CTNND2: variants seen among roughly 807,000 people sequenced by gnomAD.
CTNND2 encodes the protein catenin delta-2.
In CTNND2, 22 loss-of-function variants were observed where a neutral mutation model predicts 144.4. The ratio of observed to expected loss-of-function variants is 0.15; its 90% CI spans 0.11 to 0.22. CTNND2 has a LOEUF of 0.22. Ranked by LOEUF, CTNND2 falls within the 10% of genes least tolerant of loss-of-function variation. The probability of loss-of-function intolerance (pLI) is 1.00; values close to 1 mark genes in which losing one functional copy is unlikely to be tolerated. For synonymous variants in CTNND2, 751 were observed against 695.6 expected (o/e 1.08, Z -1.25); for missense variants, 1,353 against 1,618.8 (o/e 0.84, Z 2.82).
At chr5:11,688,949 C>A (rs547146403) in intron 2 of CTNND2, among the ~76,000 whole-genome samples, 1 of 152,188 alleles carries the variant, frequency 6.6e-6, no homozygotes, top group South Asian at 2.1e-4. Flanking sequence ...ATGAATGACA[C>A]AGCGAGGGCC....
At chr5:11,682,586 C>T (rs112436339) in intron 2 of CTNND2, among the ~76,000 whole-genome samples, 3,360 of 152,228 alleles carry the variant, frequency 0.022, 45 homozygotes, top group East Asian at 0.058. Context: ...TTTGCTGTAT[C>T]TATAAAGATG....
intron 9 of CTNND2, among the ~76,000 whole-genome samples, chr5:11,331,863 G>A (rs1442193805): frequency 6.6e-6 from 1 of 152,166 alleles, no homozygotes; most frequent in African/African-American, 2.4e-5. Context: ...GCACACTGGG[G>A]TGGCTACAGT....
At chr5:11,470,748 T>C (rs1767108193) in intron 3 of CTNND2, among the ~76,000 whole-genome samples, 1 of 151,810 alleles carries the variant, frequency 6.6e-6, no homozygotes, top group South Asian at 2.1e-4. Flanking sequence ...TGATGAGTAC[T>C]GGTCAAATGT....
chr5:11,523,006 C>G (rs140474278), intron 3 of CTNND2, among the ~76,000 whole-genome samples: 1 of 152,176 alleles, frequency 6.6e-6, no homozygotes, highest in Admixed American at 6.5e-5. Context: ...TACAGTGGAG[C>G]TATTTGGCAT....
At chr5:11,397,671 T>C (rs1308525046) in intron 5 of CTNND2, among the ~76,000 whole-genome samples, 1 of 152,216 alleles carries the variant, frequency 6.6e-6, no homozygotes, top group South Asian at 2.1e-4. Context: ...AATAGTGATA[T>C]AATACCTCAG....
chr5:10,996,404 A>G (rs946591760), intron 18 of CTNND2, among the ~76,000 whole-genome samples: 1 of 133,218 alleles, frequency 7.5e-6, no homozygotes, highest in Non-Finnish European at 1.5e-5. Context: ...CAAAAGAGCA[A>G]TGAGGAGGGG....
rs142325560 is a variant in CTNND2, at chr5:11,619,505, T to G, written c.175-54449A>C. ...ATGCAGTCTGAGAGTACAGTTGATA[T>G]GTAGTCCTAGTGGGTTACTCATTAA... On this transcript the variant is annotated intron_variant, in intron 2 of 21. Coordinates refer to ENST00000304623, the MANE Select transcript of CTNND2 (RefSeq NM_001332.4). Among the ~76,000 whole-genome samples, 644 of 152,308 alleles carry G rather than the reference T, an allele frequency of 4.2e-3. 14 individuals carry two copies. The highest frequency in any genetic ancestry group is 0.015 in the African/African-American group (617 of 41,574).
chr5:10,984,934 C>T (rs1405633567), intron 20 of CTNND2, among the ~76,000 whole-genome samples: 4 of 151,806 alleles, frequency 2.6e-5, no homozygotes, highest in African/African-American at 7.3e-5. Flanking sequence ...ATTAGCCGGG[C>T]ATGGTGGCAG....
intron 15 of CTNND2, among the ~76,000 whole-genome samples, chr5:11,094,316 G>T (rs6887954): frequency 6.6e-6 from 1 of 151,982 alleles, no homozygotes; most frequent in African/African-American, 2.4e-5. Flanking sequence ...TTTATGACTC[G>T]CAGAGTAGAT....
intron 3 of CTNND2, among the ~76,000 whole-genome samples, chr5:11,432,967 G>A (rs553746265): frequency 1.4e-4 from 22 of 152,272 alleles, no homozygotes; most frequent in South Asian, 6.2e-4. Context: ...TTTACTAGCC[G>A]GGTGCAGTGG....
At chr5:11,134,845 T>G (rs943485339) in intron 12 of CTNND2, among the ~76,000 whole-genome samples, 2 of 152,226 alleles carry the variant, frequency 1.3e-5, no homozygotes, top group Non-Finnish European at 2.9e-5. Flanking sequence ...CAATTTCCTT[T>G]TACTGCTTCA....
chr5:11,592,540 C>T (rs1311359699), intron 2 of CTNND2, among the ~76,000 whole-genome samples: 1 of 151,654 alleles, frequency 6.6e-6, no homozygotes, highest in African/African-American at 2.4e-5. Flanking sequence ...GTGAGATAAT[C>T]ATAACAGTGG....
At chr5:11,467,439 T>C (rs1766786950) in intron 3 of CTNND2, among the ~76,000 whole-genome samples, 1 of 152,234 alleles carries the variant, frequency 6.6e-6, no homozygotes, top group Admixed American at 6.5e-5. Flanking sequence ...TTTTTGAGGG[T>C]CCTGGAGATG....
intron 1 of CTNND2, among the ~76,000 whole-genome samples, chr5:11,817,981 GTTTTTTTTTT>G (rs35360011): frequency 3.1e-5 from 1 of 31,870 alleles, no homozygotes; most frequent in South Asian, 1.8e-3. Flanking sequence ...ATTATGAGGT[GTTTTTTTTTT>G]TTTTTTTTTT....
chr5:11,123,852 C>T (rs910305800), intron 12 of CTNND2, among the ~76,000 whole-genome samples: 6 of 152,150 alleles, frequency 3.9e-5, no homozygotes, highest in African/African-American at 1.4e-4. Context: ...GGCTGTCTGC[C>T]GTGTGCTATG....
intron 10 of CTNND2, among the ~76,000 whole-genome samples, chr5:11,212,772 T>G (rs1206505955): frequency 6.6e-6 from 1 of 152,074 alleles, no homozygotes; most frequent in Non-Finnish European, 1.5e-5. Context: ...GGAGCTGGTC[T>G]CGGTAAGGGC....
At chr5:11,679,091 C>T (rs1373258879) in intron 2 of CTNND2, among the ~76,000 whole-genome samples, 1 of 151,992 alleles carries the variant, frequency 6.6e-6, no homozygotes, top group Non-Finnish European at 1.5e-5. Flanking sequence ...TCTGACTGGC[C>T]CTTCCTGAAA....
intron 2 of CTNND2, among the ~76,000 whole-genome samples, chr5:11,611,940 G>T (rs1780351223): frequency 6.6e-6 from 1 of 152,160 alleles, no homozygotes; most frequent in African/African-American, 2.4e-5. Flanking sequence ...TGAGGGCAAT[G>T]ATTCTATTTC....
chr5:11,766,186 T>G (rs902491582), intron 1 of CTNND2, among the ~76,000 whole-genome samples: 1 of 152,224 alleles, frequency 6.6e-6, no homozygotes, highest in Admixed American at 6.5e-5. Context: ...AACATCCACT[T>G]GGCTGACTGA....
Sources: allele counts gnomAD v4.1 joint callset (sites outside exome capture counted in the v4.1 genomes callset), GRCh38; gene constraint gnomAD v4.1.1; transcripts MANE v1.5; gene names NCBI Gene and HGNC (gene_info 2026-07-23, HGNC 2026-07-21).